TENM2: variants seen among roughly 807,000 people sequenced by gnomAD.
TENM2 encodes the protein teneurin-2.
Under a neutral mutation model 245.2 loss-of-function variants are expected in TENM2, and 52 were observed. That is an observed-to-expected ratio of 0.21 (90% CI 0.17 to 0.27). The LOEUF (loss-of-function observed/expected upper bound fraction) is 0.27. Ranked by LOEUF, TENM2 falls within the 10% of genes least tolerant of loss-of-function variation. The probability of loss-of-function intolerance (pLI) is 1.00; values close to 1 mark genes in which losing one functional copy is unlikely to be tolerated. For missense variants in TENM2, 3,046 were observed against 3,666.8 expected (o/e 0.83, Z 4.37); for synonymous variants, 1,363 against 1,438.9 (o/e 0.95, Z 1.19).
At chr5:167,182,748 G>A in the TENM2 span, among the ~76,000 whole-genome samples, 1 of 152,046 alleles carries the variant, frequency 6.6e-6, no homozygotes, top group Non-Finnish European at 1.5e-5. Context: ...TTCAGACGTG[G>A]TGATACCAGA....
chr5:167,461,739 C>A (rs1180343680), intron 2 of TENM2, among the ~76,000 whole-genome samples: 1 of 152,086 alleles, frequency 6.6e-6, no homozygotes, highest in East Asian at 1.9e-4. Context: ...AAACATATGG[C>A]ATAAAACATA....
At chr5:167,608,131 T>A (rs1777190740) in intron 2 of TENM2, among the ~76,000 whole-genome samples, 1 of 152,178 alleles carries the variant, frequency 6.6e-6, no homozygotes, top group South Asian at 2.1e-4. Context: ...GTCGCGCTAA[T>A]GCTTAATATT....
exon 5 of TENM2, chr5:167,992,956 C>T (rs758061925): frequency 6.2e-7 from 1 of 1,613,914 alleles, no homozygotes; most frequent in Admixed American, 1.7e-5. Context: ...ACTTCCTCTT[C>T]AAGACCTCCT....
Position 167,783,858 on chromosome 5 carries a change from A to G in TENM2, c.503-92128A>G, listed in dbSNP as rs146277993. 4.3e-3 allele frequency among the ~76,000 whole-genome samples: 660 copies of G among 152,166 alleles called. 2 individuals carry two copies. Among genetic ancestry groups the G allele is most frequent in the African/African-American group, 0.014 (576 of 41,538 alleles). On this transcript the variant is annotated intron_variant, in intron 2 of 28. Transcript: ENST00000518659. The stretch of plus-strand genomic sequence containing the variant: ...CCCCAGGGGAGCACCCCAAGGTGGC[A>G]AGAAGTCCCCCGGGGGGACTTGACC...
At chr5:167,079,285 ACG>A in the TENM2 span, among the ~76,000 whole-genome samples, 76 of 144,384 alleles carry the variant, frequency 5.3e-4, no homozygotes, top group African/African-American at 1.1e-3. Context: ...ACACACACAC[ACG>A]CATATTATAT....
chr5:167,558,004 A>G (rs528155130), intron 2 of TENM2, among the ~76,000 whole-genome samples: 2 of 152,352 alleles, frequency 1.3e-5, no homozygotes, highest in East Asian at 3.9e-4. Flanking sequence ...CTTTTGGAGC[A>G]GGAGGGTTTA....
intron 3 of TENM2, among the ~76,000 whole-genome samples, chr5:167,890,260 C>T (rs1461235398): frequency 1.3e-5 from 2 of 152,150 alleles, no homozygotes; most frequent in Non-Finnish European, 2.9e-5. Flanking sequence ...CAATGATGTG[C>T]TGAGTCGCCG....
the TENM2 span, among the ~76,000 whole-genome samples, chr5:167,014,084 A>G: frequency 2.0e-5 from 3 of 148,204 alleles, no homozygotes; most frequent in African/African-American, 7.4e-5. Flanking sequence ...AAAGCATTAG[A>G]TTGTAGGATT....
rs868198887 is a variant in TENM2, at chr5:167,536,296, G to A, written c.502+160823G>A. On this transcript the variant is annotated intron_variant, in intron 2 of 28. Coordinates refer to ENST00000518659, the Ensembl canonical transcript of TENM2. ...CTACCAGGAAAACTCTAAAAAAAAAGACCCAAAGGGTGTACTAAGCTATTT... is the reference window on the plus strand; with the variant it reads ...CTACCAGGAAAACTCTAAAAAAAAAAACCCAAAGGGTGTACTAAGCTATTT... Among the ~76,000 whole-genome samples the A allele has an allele frequency of 1.3e-3, 202 of 151,526 alleles. 1 individual carries two copies. The highest frequency in any genetic ancestry group is 3.4e-3 in the Middle Eastern group (1 of 292).
intron 1 of TENM2, among the ~76,000 whole-genome samples, chr5:167,339,627 T>G (rs1214501436): frequency 6.6e-6 from 1 of 152,128 alleles, no homozygotes; most frequent in Non-Finnish European, 1.5e-5. Flanking sequence ...TTTTTGCATT[T>G]TACTATAAGT....
chr5:167,619,699 A>G (rs1243009475), intron 2 of TENM2, among the ~76,000 whole-genome samples: 1 of 152,148 alleles, frequency 6.6e-6, no homozygotes, highest in Non-Finnish European at 1.5e-5. Flanking sequence ...TAAAAGATAT[A>G]CTTAATGCAT....
intron 2 of TENM2, among the ~76,000 whole-genome samples, chr5:167,446,092 G>GGCCTCCC: frequency 6.6e-6 from 1 of 152,096 alleles, no homozygotes; most frequent in South Asian, 2.1e-4. Flanking sequence ...TTGTTTCCGG[G>GGCCTCCC]TAATCACTTG....
intron 15 of TENM2, among the ~76,000 whole-genome samples, chr5:168,198,497 A>C (rs1490242673): frequency 1.3e-5 from 2 of 152,142 alleles, no homozygotes; most frequent in Non-Finnish European, 2.9e-5. Context: ...TGCCCTGCCC[A>C]ATAAAATTTA....
At chr5:168,149,419 CA>C (rs1756441964) in intron 12 of TENM2, 2 of 457,174 alleles carry the variant, frequency 4.4e-6, no homozygotes, top group Non-Finnish European at 8.8e-6. Flanking sequence ...GCTGCATCAA[CA>C]GGGGTAGTTG....
intron 3 of TENM2, among the ~76,000 whole-genome samples, chr5:167,915,103 G>A (rs966154326): frequency 6.6e-6 from 1 of 152,084 alleles, no homozygotes; most frequent in African/African-American, 2.4e-5. Flanking sequence ...TCTTTAGGGG[G>A]CCATTATCCC....
intron 3 of TENM2, among the ~76,000 whole-genome samples, chr5:167,946,724 A>G (rs184308004): frequency 2.9e-4 from 44 of 152,276 alleles, no homozygotes; most frequent in Admixed American, 1.8e-3. Context: ...TCTACCACTT[A>G]CTAAGCTATA....
rs543433892 is a variant in TENM2, at chr5:167,818,045, C to G, written c.503-57941C>G. 9.9e-5 allele frequency among the ~76,000 whole-genome samples: 15 copies of G among 152,256 alleles called. 2 individuals carry two copies. In the South Asian group the frequency reaches 3.1e-3, roughly 32 times the overall value. ...CATGGTCACTTTCTTCCCCCCATCT[C>G]CTAAACAGCAGCCCTGTTTTGGGTA... On this transcript the variant is annotated intron_variant, in intron 2 of 28. Transcript: ENST00000518659.
chr5:167,776,593 G>GGAAAAAAAAAAAA lies in TENM2; in HGVS notation c.503-99393_503-99392insGAAAAAAAAAAAA, dbSNP rs1437587032. ...TTGGGCAGCAGATGAGACCCTGTCT[G>GGAAAAAAAAAAAA]AAAAAAAAAAAAAAAAAAAAAAAAA... On this transcript the variant is annotated intron_variant, in intron 2 of 28. Coordinates refer to ENST00000518659, the Ensembl canonical transcript of TENM2. Among the ~76,000 whole-genome samples, 76 of 36,024 alleles carry GGAAAAAAAAAAAA rather than the reference G, an allele frequency of 2.1e-3. 13 individuals carry two copies. The highest frequency in any genetic ancestry group is 6.6e-3 in the African/African-American group (76 of 11,438). The allele number at this position is 36,024 out of a possible 152,430, so 23.6% of individuals were successfully genotyped here.
At chr5:167,645,738 A>G (rs1779884728) in intron 2 of TENM2, among the ~76,000 whole-genome samples, 1 of 152,110 alleles carries the variant, frequency 6.6e-6, no homozygotes, top group East Asian at 1.9e-4. Context: ...GGAGAAGGAA[A>G]GGTCAAAAAG....
Sources: gnomAD v4.1 joint callset for allele counts (sites outside exome capture counted in the v4.1 genomes callset) on GRCh38, gnomAD v4.1.1 for gene constraint, MANE v1.5 for transcripts, NCBI Gene and HGNC (gene_info 2026-07-23, HGNC 2026-07-21) for gene names.